The following CA3 variants were observed in gnomAD, a reference collection of about 807,000 sequenced individuals.
CA3 encodes CA-III.
In CA3, 30 loss-of-function variants were observed where a neutral mutation model predicts 35.7. The ratio of observed to expected loss-of-function variants is 0.84; its 90% CI spans 0.63 to 1.14. CA3 has a LOEUF of 1.14. Among genes scored for constraint, CA3 ranks in the 50% most tolerant of loss-of-function variants. The pLI is 0.00. For synonymous variants in CA3, 131 were observed against 130.8 expected, an observed-to-expected ratio of 1.00 and a Z score of -0.01; for missense variants, 295 against 328.5, an observed-to-expected ratio of 0.90 and a Z score of 0.79.
At chr8:85,447,239 T>G (rs1350986350) in intron 6 of CA3, among the ~76,000 whole-genome samples, 1 of 152,104 alleles carries the variant, frequency 6.6e-6, no homozygotes, top group Non-Finnish European at 1.5e-5. Flanking sequence ...TTTCTTATCC[T>G]TTAAGAAAGA....
At position 85,439,859 on chromosome 8, in the gene CA3, AT is replaced by A; in HGVS notation, c.183del (p.Asn61LysfsTer19). The A allele has an allele frequency of 6.2e-7, 1 of 1,613,992 alleles. No homozygotes were observed. Among genetic ancestry groups the A allele is most frequent in the African/African-American group, 1.3e-5 (1 of 75,046 alleles). ...GGTGGCTCTGCCAAGACCATCCTGA[AT>A]AATGGGAAGACCTGCCGAGTTGTAT... The part of the protein sequence containing the change: ...YDGGSAKTIL[N>X]NGKTCRVVFD... On this transcript the variant is annotated frameshift_variant, in exon 2 of 7. Coordinates refer to ENST00000285381, the MANE Select transcript of CA3 (RefSeq NM_005181.4). LOFTEE classifies it high-confidence loss of function.
At chr8:85,447,889 ACT>A in intron 6 of CA3, 143 bp from the exon 7 acceptor site, 1 of 716,504 alleles carries the variant, frequency 1.4e-6, no homozygotes. Flanking sequence ...ACAGAGCGAG[ACT>A]CTGTCTCAAA....
At chr8:85,446,100 G>GC (rs1352836345) in intron 5 of CA3, 42 bp from the exon 6 acceptor site, 1 of 1,531,728 alleles carries the variant, frequency 6.5e-7, no homozygotes, top group East Asian at 2.4e-5. Context: ...GTGGGCATGT[G>GC]CATGCATGCA....
In CA3 at chr8:85,438,954, GC is replaced by G. The variant is rs1811168447; in HGVS notation, c.34+12del. On this transcript the variant is annotated intron_variant, in intron 1 of 6. Transcript: ENST00000285381. ...ACGCCAGTCACAACGGTGAGTGCAG[GC>G]AGCCGCGACCCGGCCAGGAAGGGAT... 2 of 1,550,912 alleles carry G rather than the reference GC, an allele frequency of 1.3e-6. No individual in the cohort carries two copies. Among genetic ancestry groups the G allele is most frequent in the African/African-American group, 2.7e-5 (2 of 73,058 alleles).
At chr8:85,444,574 C>T (rs566173705) in intron 4 of CA3, among the ~76,000 whole-genome samples, 4 of 152,320 alleles carry the variant, frequency 2.6e-5, no homozygotes, top group East Asian at 3.9e-4. Flanking sequence ...TCACCACTCA[C>T]GTGATCCCAG....
rs777306193 is a variant in CA3 at position 85,446,287 on chromosome 8, G to A, written c.653G>A (p.Ser218Asn). 2.5e-6 allele frequency: 4 copies of A among 1,613,452 alleles called. No individual in the cohort carries two copies. In the East Asian group the frequency reaches 8.9e-5, roughly 36 times the overall value. ...CTGCTGAAGGAGCCCATGACCGTGA[G>A]CTCTGACCAGGTGAGCAGCCTTGTG... ...WLLLKEPMTVSSDQMAKLRSL... is the reference protein window; with the variant it reads ...WLLLKEPMTVNSDQMAKLRSL... The change falls in exon 6 of 7, where the codon AGC becomes AAC. Residue 218 changes from serine (S) to asparagine (N), a missense_variant. By Grantham distance (46) the Ser-to-Asn change is conservative. Coordinates refer to ENST00000285381, the MANE Select transcript of CA3 (RefSeq NM_005181.4).
intron 3 of CA3, chr8:85,442,432 G>A (rs1811220704): frequency 2.4e-6 from 1 of 424,472 alleles, no homozygotes; most frequent in Non-Finnish European, 4.4e-6. Flanking sequence ...AAGAAACTGG[G>A]GCGAGTGCAG....
intron 2 of CA3, 90 bp from the exon 3 acceptor site, chr8:85,441,983 T>C (rs1258155020): frequency 5.1e-6 from 4 of 778,302 alleles, no homozygotes; most frequent in Admixed American, 1.7e-5. Context: ...ATTTTGTCCA[T>C]TAAGCCTTGG....
intron 5 of CA3, 45 bp from the exon 6 acceptor site, chr8:85,446,097 T>C: frequency 6.6e-7 from 1 of 1,511,886 alleles, no homozygotes; most frequent in Non-Finnish European, 9.0e-7. Context: ...TGGGTGGGCA[T>C]GTGCATGCAT....
Position 85,445,099 on chromosome 8 carries a change from C to T in CA3, c.445-57C>T, listed in dbSNP as rs1167230988. Reference sequence around the variant, plus strand: ...GATGGATCAAAATCAGCTTTGAAGACAATCCTAAACTATGGAGAAGTAAAA... The same window carrying T: ...GATGGATCAAAATCAGCTTTGAAGATAATCCTAAACTATGGAGAAGTAAAA... On this transcript the variant is annotated intron_variant, in intron 4 of 6. Coordinates refer to ENST00000285381, the MANE Select transcript of CA3 (RefSeq NM_005181.4). The T allele has an allele frequency of 3.4e-6, 4 of 1,161,248 alleles. No homozygotes were observed. In the African/African-American group the frequency reaches 6.2e-5, roughly 18 times the overall value. The allele number at this position is 1,161,248 out of a possible 1,614,324, so 71.9% of individuals were successfully genotyped here.
chr8:85,448,319 G>C lies in CA3; in HGVS notation c.*166G>C. ...GATCTAAGTTACTTGTTGAAAGAAA[G>C]TTACTTTCGACAAGATCTAATATGA... On this transcript the variant is annotated 3_prime_UTR_variant, in exon 7 of 7. Coordinates refer to ENST00000285381, the MANE Select transcript of CA3 (RefSeq NM_005181.4). The C allele has an allele frequency of 5.3e-6, 3 of 563,216 alleles. No individual in the cohort carries two copies. Among genetic ancestry groups the C allele is most frequent in the Non-Finnish European group, 8.5e-6 (3 of 352,284 alleles). 34.9% of individuals were successfully genotyped at this position (563,216 alleles called of 1,614,324 possible).
chr8:85,446,058 T>C, intron 5 of CA3, 84 bp from the exon 6 acceptor site: 1 of 1,222,296 alleles, frequency 8.2e-7, no homozygotes, highest in Admixed American at 2.8e-5. Context: ...AAATTCATTC[T>C]TACAAATAAA....
In CA3 at chr8:85,448,189, C is replaced by T; in HGVS notation, c.*36C>T. 1 of 1,596,674 alleles carries T rather than the reference C, an allele frequency of 6.3e-7. No individual in the cohort carries two copies. Among genetic ancestry groups the T allele is most frequent in the Non-Finnish European group, 8.5e-7 (1 of 1,171,430 alleles). On this transcript the variant is annotated 3_prime_UTR_variant, in exon 7 of 7. Transcript: ENST00000285381. ...TCTTGCCCTCTTCAGGAAAGGAAACCTACCATTGGAGAGCTTGGTTCCTTG... is the reference window on the plus strand; with the variant it reads ...TCTTGCCCTCTTCAGGAAAGGAAACTTACCATTGGAGAGCTTGGTTCCTTG...
chr8:85,440,018 CT>C, intron 2 of CA3, 109 bp downstream of exon 2: 1 of 748,848 alleles, frequency 1.3e-6, no homozygotes, highest in Non-Finnish European at 2.2e-6. Context: ...AGCACTTTAT[CT>C]TTTAAAATGC....
Position 85,448,266 on chromosome 8 carries a change from C to A in CA3, c.*113C>A. On this transcript the variant is annotated 3_prime_UTR_variant, in exon 7 of 7. Transcript: ENST00000285381. ...GTCTATTTCATTTTTCCACACTGAG[C>A]AATGAATGTGAGAGATGTGGTCACC... is the stretch of plus-strand genomic sequence containing the variant. The A allele has an allele frequency of 8.9e-7, 1 of 1,123,292 alleles. No individual in the cohort carries two copies. Among genetic ancestry groups the A allele is most frequent in the Non-Finnish European group, 1.2e-6 (1 of 815,604 alleles). 69.6% of individuals were successfully genotyped at this position (1,123,292 alleles called of 1,614,324 possible).
intron 5 of CA3, 114 bp downstream of exon 5, chr8:85,445,332 C>T (rs907794711): frequency 8.0e-6 from 5 of 621,368 alleles, no homozygotes; most frequent in African/African-American, 7.5e-5. Flanking sequence ...GATGGATATG[C>T]TAAGCATACA....
chr8:85,444,902 G>T (rs1811260900), intron 4 of CA3, among the ~76,000 whole-genome samples: 1 of 152,164 alleles, frequency 6.6e-6, no homozygotes, highest in African/African-American at 2.4e-5. Flanking sequence ...TGCAGAGAAG[G>T]TCAAAGACAC....
At chr8:85,443,932 A>C (rs888241781) in intron 3 of CA3, 102 bp from the exon 4 acceptor site, 3 of 827,234 alleles carry the variant, frequency 3.6e-6, no homozygotes, top group Non-Finnish European at 6.1e-6. Context: ...GAGAGTGCTC[A>C]GCAACCTTAG....
intron 5 of CA3, 55 bp from the exon 6 acceptor site, chr8:85,446,087 T>G (rs1185514281): frequency 2.7e-6 from 4 of 1,459,950 alleles, no homozygotes; most frequent in Non-Finnish European, 3.7e-6. Flanking sequence ...GGCATTGGGG[T>G]GGGTGGGCAT....
Sources: gnomAD v4.1 joint callset for allele counts (sites outside exome capture counted in the v4.1 genomes callset) on GRCh38, gnomAD v4.1.1 for gene constraint, MANE v1.5 for transcripts, NCBI Gene and HGNC (gene_info 2026-07-23, HGNC 2026-07-21) for gene names.